The following PCDH15 variants were observed in gnomAD, a reference collection of about 807,000 sequenced individuals.
The protein encoded by PCDH15 is protocadherin related 15.
Under a neutral mutation model 178.5 loss-of-function variants are expected in PCDH15, and 129 were observed. The observed-to-expected ratio is 0.72, with a 90% confidence interval of 0.63 to 0.84. PCDH15 has a LOEUF of 0.84. Ranked by LOEUF, PCDH15 falls within the 40% of genes least tolerant of loss-of-function variation. The pLI is 0.00. For missense variants in PCDH15, 2,230 were observed against 2,099.9 expected, an observed-to-expected ratio of 1.06 and a Z score of -1.21; for synonymous variants, 800 against 732.0, an observed-to-expected ratio of 1.09 and a Z score of -1.50.
intron 2 of PCDH15, among the ~76,000 whole-genome samples, chr10:55,377,999 T>C (rs1404694015): frequency 2.6e-5 from 4 of 151,416 alleles, no homozygotes; most frequent in Admixed American, 2.6e-4. Flanking sequence ...TAAGTGGGAG[T>C]TGAACAATGA....
At chr10:55,228,975 A>C (rs1438024489) in intron 1 of PCDH15, among the ~76,000 whole-genome samples, 1 of 151,978 alleles carries the variant, frequency 6.6e-6, no homozygotes, top group Non-Finnish European at 1.5e-5. Flanking sequence ...AAGCAGGTAA[A>C]AATTATCAGC....
At chr10:55,092,481 G>A (rs933006684) in intron 2 of PCDH15, among the ~76,000 whole-genome samples, 1 of 151,642 alleles carries the variant, frequency 6.6e-6, no homozygotes, top group Non-Finnish European at 1.5e-5. Context: ...TCTAAACCAA[G>A]GGTGCATGAA....
chr10:55,017,760 TC>T (rs2131950685), intron 2 of PCDH15, among the ~76,000 whole-genome samples: 1 of 152,126 alleles, frequency 6.6e-6, no homozygotes, highest in Admixed American at 6.5e-5. Flanking sequence ...CATACAGTAA[TC>T]TTTAAGGACA....
Position 54,011,662 on chromosome 10 carries a change from G to A in PCDH15, c.2751+8530C>T, listed in dbSNP as rs148015703. 4.1e-3 allele frequency among the ~76,000 whole-genome samples: 628 copies of A among 152,274 alleles called. 4 individuals are homozygous for A. The highest frequency in any genetic ancestry group is 0.014 in the African/African-American group (598 of 41,572). ...GTTAAGTGCCATCTGCTGGATCACA[G>A]CCCAAACTTTACTATTAAAAATATT... On this transcript the variant is annotated intron_variant, in intron 20 of 37. Transcript: ENST00000644397.
chr10:55,541,227 T>A (rs1238636816), intron 2 of PCDH15, among the ~76,000 whole-genome samples: 1 of 152,030 alleles, frequency 6.6e-6, no homozygotes, highest in Non-Finnish European at 1.5e-5. Flanking sequence ...AAACCCCTGC[T>A]GTTCTAATCA....
intron 2 of PCDH15, among the ~76,000 whole-genome samples, chr10:54,977,434 T>A (rs1839101072): frequency 6.6e-6 from 1 of 152,102 alleles, no homozygotes; most frequent in East Asian, 1.9e-4. Context: ...ATTAGTACAC[T>A]AAAAGACACT....
chr10:54,602,031 T>G (rs373585360), intron 2 of PCDH15, among the ~76,000 whole-genome samples: 2 of 152,004 alleles, frequency 1.3e-5, no homozygotes, highest in African/African-American at 4.8e-5. Flanking sequence ...AGTTATTAGC[T>G]ACTTTGCTTA....
At chr10:54,575,971 C>G (rs2090432492) in intron 2 of PCDH15, among the ~76,000 whole-genome samples, 2 of 152,176 alleles carry the variant, frequency 1.3e-5, no homozygotes, top group Non-Finnish European at 2.9e-5. Context: ...TCTTCAGGAA[C>G]TATATAGTCA....
chr10:54,877,521 A>C (rs952434453), intron 3 of PCDH15, among the ~76,000 whole-genome samples: 2 of 152,220 alleles, frequency 1.3e-5, no homozygotes, highest in African/African-American at 4.8e-5. Context: ...CCTGAGGTAA[A>C]TGTATCATTG....
chr10:54,535,467 T>A (rs1351497975), intron 2 of PCDH15, among the ~76,000 whole-genome samples: 1 of 151,910 alleles, frequency 6.6e-6, no homozygotes, highest in Non-Finnish European at 1.5e-5. Flanking sequence ...TCCCAGCACT[T>A]TGGGAGGCCG....
At chr10:55,442,481 T>TAA (rs56220182) in intron 2 of PCDH15, among the ~76,000 whole-genome samples, 120 of 123,016 alleles carry the variant, frequency 9.8e-4, no homozygotes, top group East Asian at 7.1e-3. Flanking sequence ...TATATATATA[T>TAA]TATATATATA....
chr10:54,122,436 A>T (rs554963902), intron 15 of PCDH15, among the ~76,000 whole-genome samples: 4 of 152,226 alleles, frequency 2.6e-5, no homozygotes, highest in South Asian at 2.1e-4. Context: ...AACTGCAAGC[A>T]TTCCTCTTGG....
chr10:53,819,125 A>G (rs986024003), intron 33 of PCDH15, among the ~76,000 whole-genome samples: 2 of 152,028 alleles, frequency 1.3e-5, no homozygotes, highest in East Asian at 3.9e-4. Context: ...AATTGTAGAC[A>G]TTTTCAACTT....
chr10:54,077,747 A>G (rs1212442853), intron 17 of PCDH15, among the ~76,000 whole-genome samples: 3 of 152,122 alleles, frequency 2.0e-5, no homozygotes, highest in Non-Finnish European at 4.4e-5. Context: ...CTTTACATAC[A>G]TCTAACACAG....
intron 2 of PCDH15, among the ~76,000 whole-genome samples, chr10:54,599,028 T>C (rs1398356652): frequency 1.3e-5 from 2 of 152,116 alleles, no homozygotes; most frequent in Admixed American, 6.6e-5. Flanking sequence ...GAAGATTCAA[T>C]ATGGTTAAAA....
intron 1 of PCDH15, among the ~76,000 whole-genome samples, chr10:54,781,638 T>C (rs1414691): frequency 0.21 from 32,407 of 152,024 alleles, 3,916 homozygotes; most frequent in East Asian, 0.45. Context: ...ACTTAGCCTA[T>C]GGAAAAAGGT....
chr10:55,108,899 A>G (rs1289747476), intron 2 of PCDH15, among the ~76,000 whole-genome samples: 2 of 152,174 alleles, frequency 1.3e-5, no homozygotes, highest in African/African-American at 2.4e-5. Context: ...AAAAGAGAAC[A>G]GATTTTAGAG....
intron 2 of PCDH15, among the ~76,000 whole-genome samples, chr10:55,090,902 TG>T (rs888392819): frequency 2.9e-4 from 36 of 124,362 alleles, no homozygotes; most frequent in African/African-American, 1.2e-3. Context: ...CTAATTAAAA[TG>T]TACTATTTCT....
At position 54,078,839 on chromosome 10, in the gene PCDH15, A is replaced by G. The variant is rs111943125; in HGVS notation, c.2091+492T>C. Among the ~76,000 whole-genome samples the G allele has an allele frequency of 8.0e-3, 1,215 of 152,200 alleles. 23 individuals are homozygous for G. The highest frequency in any genetic ancestry group is 0.027 in the African/African-American group (1,135 of 41,528). ...TTATAAGCCCATTTAAATTATTTAG[A>G]TAACCAAGAATTACTTATGATTCTT... On this transcript the variant is annotated intron_variant, in intron 17 of 37. Transcript: ENST00000644397.
Sources: gnomAD v4.1 joint callset for allele counts (sites outside exome capture counted in the v4.1 genomes callset) on GRCh38, gnomAD v4.1.1 for gene constraint, MANE v1.5 for transcripts, NCBI Gene and HGNC (gene_info 2026-07-23, HGNC 2026-07-21) for gene names.